The following THSD7A variants were observed in gnomAD, a reference collection of about 807,000 sequenced individuals.
THSD7A encodes the protein thrombospondin type-1 domain-containing protein 7A.
A neutral mutation model predicts 231.3 loss-of-function variants in THSD7A; 96 were observed. The ratio of observed to expected loss-of-function variants is 0.41; its 90% CI spans 0.35 to 0.49. The LOEUF is 0.49. Among genes scored for constraint, THSD7A ranks in the 20% least tolerant of loss-of-function variants. The probability of loss-of-function intolerance (pLI) is 0.05; values close to 1 mark genes in which losing one functional copy is unlikely to be tolerated. For synonymous variants in THSD7A, 940 were observed against 743.3 expected, an observed-to-expected ratio of 1.26 and a Z score of -4.30; for missense variants, 2,290 against 2,070.2, an observed-to-expected ratio of 1.11 and a Z score of -2.06.
chr7:11,599,459 G>A (rs1411473604), intron 2 of THSD7A, among the ~76,000 whole-genome samples: 1 of 152,116 alleles, frequency 6.6e-6, no homozygotes, highest in Non-Finnish European at 1.5e-5. Flanking sequence ...TTAAAAACAT[G>A]TTTGTTTATG....
intron 1 of THSD7A, among the ~76,000 whole-genome samples, chr7:11,777,126 A>G (rs1415571715): frequency 6.6e-6 from 1 of 152,198 alleles, no homozygotes; most frequent in Non-Finnish European, 1.5e-5. Flanking sequence ...AAAAATGCAA[A>G]AAGTATATAA....
At chr7:11,491,151 A>T (rs895539106) in intron 6 of THSD7A, among the ~76,000 whole-genome samples, 1 of 152,122 alleles carries the variant, frequency 6.6e-6, no homozygotes, top group African/African-American at 2.4e-5. Flanking sequence ...TATGATCTTC[A>T]TCATTCAGTA....
At chr7:11,407,184 T>C in intron 20 of THSD7A, 122 bp downstream of exon 20, 2 of 1,466,558 alleles carry the variant, frequency 1.4e-6, no homozygotes, top group Non-Finnish European at 1.9e-6. Flanking sequence ...TTAGATGTTT[T>C]GCAAAGAAAG....
In THSD7A at chr7:11,593,356, C is replaced by T. The variant is rs1051817932; in HGVS notation, c.1169G>A (p.Arg390Gln). Residue 390 changes from arginine (R) to glutamine (Q), a missense_variant, in exon 3 of 28, where the codon CGA (arginine) becomes CAA (glutamine). Physicochemically the swap from Arg to Gln is conservative, Grantham distance 43. Coordinates refer to ENST00000423059, the MANE Select transcript of THSD7A (RefSeq NM_015204.3). Reference sequence around the variant, plus strand: ...GCCAATGGGAAACTGCCTGATGGTTCGTGTCCTTACACGAGTGCCTGCAGG... The same window carrying T: ...GCCAATGGGAAACTGCCTGATGGTTTGTGTCCTTACACGAGTGCCTGCAGG... ...VSPAGTRVRT[R>Q]TIRQFPIGSE... The T allele has an allele frequency of 2.5e-6, 4 of 1,614,000 alleles. No individual in the cohort carries two copies. Among genetic ancestry groups the T allele is most frequent in the East Asian group, 2.2e-5 (1 of 44,884 alleles).
chr7:11,527,334 A>C (rs1272753120), intron 6 of THSD7A, among the ~76,000 whole-genome samples: 1 of 152,100 alleles, frequency 6.6e-6, no homozygotes, highest in Non-Finnish European at 1.5e-5. Flanking sequence ...GTCCAAAGGG[A>C]GATGAGAATC....
intron 14 of THSD7A, 69 bp downstream of exon 14, chr7:11,428,878 A>T (rs1294459903): frequency 1.3e-6 from 2 of 1,523,588 alleles, no homozygotes. Context: ...CCTCTTCTCC[A>T]TTTTGGAGAA....
chr7:11,651,483 TCAA>T (rs1349587020), intron 1 of THSD7A, among the ~76,000 whole-genome samples: 38 of 121,226 alleles, frequency 3.1e-4, no homozygotes, highest in South Asian at 2.6e-4. Flanking sequence ...TATCTATCTA[TCAA>T]CTATCTATCT....
At chr7:11,511,142 G>A (rs969870737) in intron 6 of THSD7A, among the ~76,000 whole-genome samples, 1 of 152,104 alleles carries the variant, frequency 6.6e-6, no homozygotes, top group Admixed American at 6.5e-5. Context: ...GCCAATAACA[G>A]ACAAGCAGAG....
chr7:11,566,874 C>G (rs1392101711), intron 4 of THSD7A, among the ~76,000 whole-genome samples: 1 of 149,708 alleles, frequency 6.7e-6, no homozygotes, highest in Non-Finnish European at 1.5e-5. Context: ...CTAGGAAATC[C>G]TTCTAAATGT....
chr7:11,593,207 A>T, intron 3 of THSD7A, 47 bp downstream of exon 3: 1 of 1,596,734 alleles, frequency 6.3e-7, no homozygotes. Flanking sequence ...CAAATAGCTG[A>T]GCAAATGTAG....
At chr7:11,498,193 T>A (rs1787184131) in intron 6 of THSD7A, among the ~76,000 whole-genome samples, 1 of 152,154 alleles carries the variant, frequency 6.6e-6, no homozygotes, top group African/African-American at 2.4e-5. Context: ...CCCACTTTCA[T>A]GGCACCTCAT....
chr7:11,779,696 T>C (rs2128174131), intron 1 of THSD7A, among the ~76,000 whole-genome samples: 1 of 152,350 alleles, frequency 6.6e-6, no homozygotes, highest in South Asian at 2.1e-4. Flanking sequence ...CTCATCCTCC[T>C]CTGAATGCAT....
intron 6 of THSD7A, among the ~76,000 whole-genome samples, chr7:11,493,137 G>A (rs1786967706): frequency 6.6e-6 from 1 of 152,116 alleles, no homozygotes; most frequent in Admixed American, 6.6e-5. Flanking sequence ...GTATATAGCT[G>A]ATACAGAAAG....
intron 11 of THSD7A, among the ~76,000 whole-genome samples, chr7:11,460,280 T>C (rs1785456243): frequency 6.6e-6 from 1 of 152,150 alleles, no homozygotes. Flanking sequence ...ATATAATGCA[T>C]ATAGGCAAGG....
At position 11,371,743 on chromosome 7, in the gene THSD7A, C is replaced by CTTTT. The variant is rs530610921; in HGVS notation, c.*4047_*4050dup. 5 of 101,852 alleles carry CTTTT rather than the reference C, an allele frequency of 4.9e-5. No homozygotes were observed. Among genetic ancestry groups the CTTTT allele is most frequent in the Non-Finnish European group, 1.0e-4 (5 of 48,444 alleles). The allele number at this position is 101,852 out of a possible 1,614,324, so 6.3% of individuals were successfully genotyped here. On this transcript the variant is annotated 3_prime_UTR_variant, in exon 28 of 28. Transcript: ENST00000423059. ...GCATGGACATTTTTACAGAAAAGGG[C>CTTTT]TTTTTTTTTTTTTTTTTTCCTGCAT...
chr7:11,768,359 C>T (rs1026519874), intron 1 of THSD7A, among the ~76,000 whole-genome samples: 2 of 152,154 alleles, frequency 1.3e-5, no homozygotes, highest in East Asian at 1.9e-4. Context: ...ATCATAGAGG[C>T]AATCACAAAC....
chr7:11,518,592 AATAG>A (rs1339492489), intron 6 of THSD7A, among the ~76,000 whole-genome samples: 2 of 98,492 alleles, frequency 2.0e-5, no homozygotes, highest in Non-Finnish European at 4.3e-5. Flanking sequence ...CTGGAAATAA[AATAG>A]AAACACACAC....
chr7:11,483,149 G>A (rs765713279), intron 6 of THSD7A, among the ~76,000 whole-genome samples: 18 of 152,268 alleles, frequency 1.2e-4, no homozygotes, highest in Middle Eastern at 3.4e-3. Context: ...CCTTACAGAG[G>A]CTACTGAACA....
intron 1 of THSD7A, among the ~76,000 whole-genome samples, chr7:11,725,183 C>A (rs1365313710): frequency 6.6e-6 from 1 of 151,848 alleles, no homozygotes; most frequent in Non-Finnish European, 1.5e-5. Context: ...TTTTAACAAC[C>A]AAAACAATTA....
Sources: allele counts gnomAD v4.1 joint callset (sites outside exome capture counted in the v4.1 genomes callset), GRCh38; gene constraint gnomAD v4.1.1; transcripts MANE v1.5; gene names NCBI Gene and HGNC (gene_info 2026-07-23, HGNC 2026-07-21).